SORCS1: variants seen among roughly 807,000 people sequenced by gnomAD.
SORCS1 encodes sortilin related VPS10 domain containing receptor 1.
SORCS1 carries 60 observed loss-of-function variants against 146.1 expected under a neutral mutation model. That is an observed-to-expected ratio of 0.41 (90% CI 0.33 to 0.51). SORCS1 has a LOEUF of 0.51. SORCS1 is among the 20% of genes least tolerant of loss of function. The pLI, the probability that SORCS1 is intolerant of heterozygous loss-of-function variation, is 0.21. For synonymous variants in SORCS1, 637 were observed against 584.0 expected (o/e 1.09, Z -1.31); for missense variants, 1,352 against 1,487.6 (o/e 0.91, Z 1.50).
chr10:106,578,822 C>A, intron 25 of SORCS1: 1 of 1,309,968 alleles, frequency 7.6e-7, no homozygotes, highest in Non-Finnish European at 9.7e-7. Context: ...AAACATATAA[C>A]ATTTTAACAT....
intron 2 of SORCS1, among the ~76,000 whole-genome samples, chr10:106,883,123 A>G (rs904894930): frequency 5.9e-5 from 9 of 152,226 alleles, no homozygotes; most frequent in Non-Finnish European, 1.2e-4. Context: ...GTAGAAAGCC[A>G]CTGGCATTTC....
At chr10:106,954,257 T>C (rs1478253629) in intron 2 of SORCS1, among the ~76,000 whole-genome samples, 2 of 152,210 alleles carry the variant, frequency 1.3e-5, no homozygotes, top group Non-Finnish European at 2.9e-5. Flanking sequence ...CTATACTTTA[T>C]ATGGAAAATG....
chr10:106,638,299 T>C (rs1274965063), intron 18 of SORCS1, among the ~76,000 whole-genome samples: 1 of 152,092 alleles, frequency 6.6e-6, no homozygotes, highest in African/African-American at 2.4e-5. Flanking sequence ...ACTTTAAAAA[T>C]GGTAGGAAGT....
At chr10:107,105,536 C>CT (rs1456452963) in intron 1 of SORCS1, among the ~76,000 whole-genome samples, 1 of 152,168 alleles carries the variant, frequency 6.6e-6, no homozygotes, top group African/African-American at 2.4e-5. Context: ...CCGAGTGCCC[C>CT]TGGCAAATCA....
At chr10:106,659,046 G>A (rs1850520915) in intron 17 of SORCS1, among the ~76,000 whole-genome samples, 1 of 152,176 alleles carries the variant, frequency 6.6e-6, no homozygotes, top group Non-Finnish European at 1.5e-5. Context: ...ATGTGACAAA[G>A]TATGCTCAGG....
At chr10:107,086,977 TGAG>T (rs1963811151) in intron 1 of SORCS1, among the ~76,000 whole-genome samples, 1 of 152,174 alleles carries the variant, frequency 6.6e-6, no homozygotes, top group Non-Finnish European at 1.5e-5. Flanking sequence ...TGCAGTGAGC[TGAG>T]ATCACGGCAC....
intron 16 of SORCS1, among the ~76,000 whole-genome samples, chr10:106,668,833 G>A (rs1181568715): frequency 6.6e-6 from 1 of 152,116 alleles, no homozygotes; most frequent in Non-Finnish European, 1.5e-5. Flanking sequence ...TGCTGGAGAG[G>A]GACAGGCAAG....
intron 5 of SORCS1, among the ~76,000 whole-genome samples, chr10:106,759,367 C>G (rs1347317661): frequency 6.6e-6 from 1 of 152,288 alleles, no homozygotes; most frequent in East Asian, 1.9e-4. Context: ...AAACTCTTGT[C>G]TGAGCCAATT....
chr10:106,710,687 C>A lies in SORCS1; in HGVS notation c.1025-1346G>T, dbSNP rs1383701182. Among the ~76,000 whole-genome samples, 5 of 152,110 alleles carry A rather than the reference C, an allele frequency of 3.3e-5. No homozygotes were observed. The South Asian group carries it at 8.3e-4, about 25-fold the overall frequency. On this transcript the variant is annotated intron_variant, in intron 6 of 25. Coordinates refer to ENST00000263054, the MANE Select transcript of SORCS1 (RefSeq NM_052918.5). ...TTATGTTACTCCCTTACTTAAAACT[C>A]CTTTTGCCTCATTGTATTGAGAATA... is the stretch of plus-strand genomic sequence containing the variant.
rs116643908 is a variant in SORCS1 at position 106,664,783 on chromosome 10, A to G, written c.2303+2906T>C. Reference sequence around the variant, plus strand: ...CAGCCTCCTATCATCAATACCAAAGACAGACTAATATAACTTCCTTGACTG... The same window carrying G: ...CAGCCTCCTATCATCAATACCAAAGGCAGACTAATATAACTTCCTTGACTG... On this transcript the variant is annotated intron_variant, in intron 17 of 25. Coordinates refer to ENST00000263054, the MANE Select transcript of SORCS1 (RefSeq NM_052918.5). Among the ~76,000 whole-genome samples the G allele has an allele frequency of 5.3e-3, 809 of 152,258 alleles. 7 individuals carry two copies. Among genetic ancestry groups the G allele is most frequent in the African/African-American group, 0.018 (762 of 41,546 alleles).
intron 2 of SORCS1, among the ~76,000 whole-genome samples, chr10:106,857,336 G>A (rs561340202): frequency 5.9e-5 from 9 of 152,256 alleles, no homozygotes; most frequent in African/African-American, 1.9e-4. Context: ...GAAACACAGA[G>A]CCATACTGCC....
At chr10:107,119,530 A>T (rs1241724742) in intron 1 of SORCS1, among the ~76,000 whole-genome samples, 1 of 152,140 alleles carries the variant, frequency 6.6e-6, no homozygotes, top group East Asian at 1.9e-4. Context: ...CTTGGCCTTG[A>T]TTTTTGTTTT....
At chr10:107,089,872 C>A (rs987255764) in intron 1 of SORCS1, among the ~76,000 whole-genome samples, 2 of 152,088 alleles carry the variant, frequency 1.3e-5, no homozygotes, top group Non-Finnish European at 2.9e-5. Context: ...AAAATGAACC[C>A]ACCCATGTCT....
intron 10 of SORCS1, among the ~76,000 whole-genome samples, chr10:106,681,294 C>G (rs1852416005): frequency 6.6e-6 from 1 of 152,198 alleles, no homozygotes; most frequent in South Asian, 2.1e-4. Context: ...TAACTGCAGC[C>G]TATCAGGCTC....
intron 2 of SORCS1, among the ~76,000 whole-genome samples, chr10:106,863,418 A>G (rs55917706): frequency 0.032 from 4,878 of 151,848 alleles, 233 homozygotes; most frequent in African/African-American, 0.11. Context: ...TCAGCTACTC[A>G]GGACACTGAG....
chr10:107,047,379 A>G (rs2134026274), intron 1 of SORCS1, among the ~76,000 whole-genome samples: 1 of 152,328 alleles, frequency 6.6e-6, no homozygotes, highest in South Asian at 2.1e-4. Context: ...ATAAGCCCAC[A>G]TGACATTATG....
intron 1 of SORCS1, among the ~76,000 whole-genome samples, chr10:107,124,803 T>C (rs1230750856): frequency 6.6e-6 from 1 of 152,108 alleles, no homozygotes; most frequent in Admixed American, 6.5e-5. Context: ...TGTAATTTTC[T>C]CTTTACAAAA....
chr10:106,645,105 G>A (rs1222628107), intron 18 of SORCS1, among the ~76,000 whole-genome samples: 1 of 151,464 alleles, frequency 6.6e-6, no homozygotes, highest in Non-Finnish European at 1.5e-5. Flanking sequence ...ATGACCAGAT[G>A]CTCCACATAC....
intron 1 of SORCS1, among the ~76,000 whole-genome samples, chr10:107,006,892 A>G (rs1278198264): frequency 6.7e-6 from 1 of 150,298 alleles, no homozygotes; most frequent in Non-Finnish European, 1.5e-5. Flanking sequence ...ATTCCTTTTA[A>G]ATTTATATTT....
Sources: allele counts gnomAD v4.1 joint callset (sites outside exome capture counted in the v4.1 genomes callset), GRCh38; gene constraint gnomAD v4.1.1; transcripts MANE v1.5; gene names NCBI Gene and HGNC (gene_info 2026-07-23, HGNC 2026-07-21).